The following RELB variants were observed in gnomAD, a reference collection of about 807,000 sequenced individuals.
RELB encodes RELB proto-oncogene, NF-kB subunit.
RELB carries 14 observed loss-of-function variants against 55.4 expected under a neutral mutation model. The ratio of observed to expected loss-of-function variants is 0.25; its 90% confidence interval spans 0.17 to 0.40. The LOEUF is 0.40. RELB is among the 10% of genes least tolerant of loss of function. The pLI, the probability that RELB is intolerant of heterozygous loss-of-function variation, is 1.00. For synonymous variants in RELB, 409 were observed against 371.3 expected, an observed-to-expected ratio of 1.10 and a Z score of -1.17; for missense variants, 669 against 830.7, an observed-to-expected ratio of 0.81 and a Z score of 2.39.
chr19:45,009,791 TTC>T, intron 2 of RELB, 21 bp from the exon 3 acceptor site: 1 of 1,599,218 alleles, frequency 6.3e-7, no homozygotes, highest in East Asian at 2.2e-5. Flanking sequence ...ACCTTTCTCT[TTC>T]TCTTTCTCTT....
intron 4 of RELB, among the ~76,000 whole-genome samples, chr19:45,017,993 G>A (rs1486656495): frequency 3.3e-5 from 5 of 151,190 alleles, no homozygotes; most frequent in African/African-American, 9.7e-5. Context: ...GAGACCAGGC[G>A]CGGTGGCTCA....
intron 2 of RELB, among the ~76,000 whole-genome samples, chr19:45,003,408 G>A (rs1971238853): frequency 6.7e-6 from 1 of 150,172 alleles, no homozygotes; most frequent in Non-Finnish European, 1.5e-5. Flanking sequence ...CTGGGAGGCG[G>A]AGCTTGCAGT....
At chr19:45,012,836 C>A (rs1971379383) in intron 4 of RELB, among the ~76,000 whole-genome samples, 1 of 151,652 alleles carries the variant, frequency 6.6e-6, no homozygotes, top group African/African-American at 2.4e-5. Context: ...ATCACTCGAG[C>A]TCAGGAGTTC....
intron 1 of RELB, among the ~76,000 whole-genome samples, chr19:45,002,174 C>T (rs919280014): frequency 1.9e-4 from 21 of 112,436 alleles, no homozygotes; most frequent in Middle Eastern, 5.5e-3. Context: ...GGGGAAGGGG[C>T]GGGGCCTGAC....
Position 45,022,610 on chromosome 19 carries a change from C to T in RELB, c.662+400C>T, listed in dbSNP as rs989237998. On this transcript the variant is annotated intron_variant, in intron 5 of 11. Transcript: ENST00000221452. ...TTGCCCAAGCTGGAGTGCAATGGTT[C>T]GATCTCAGCTCACTCCAACCTCCAC... Among the ~76,000 whole-genome samples the T allele has an allele frequency of 3.4e-5, 5 of 146,726 alleles. No individual in the cohort carries two copies. In the South Asian group the frequency reaches 8.6e-4, roughly 25 times the overall value.
At chr19:45,023,475 T>C (rs1022014130) in intron 5 of RELB, among the ~76,000 whole-genome samples, 11 of 151,668 alleles carry the variant, frequency 7.3e-5, no homozygotes, top group African/African-American at 2.4e-4. Flanking sequence ...TCTCGCTCTG[T>C]CGCCCAGGCT....
chr19:45,012,855 C>A (rs192637269), intron 4 of RELB, among the ~76,000 whole-genome samples: 1 of 151,932 alleles, frequency 6.6e-6, no homozygotes, highest in Non-Finnish European at 1.5e-5. Context: ...TCTAGATGAG[C>A]CTGGGCAAGA....
At chr19:45,027,583 C>T (rs1971573576) in intron 7 of RELB, among the ~76,000 whole-genome samples, 1 of 152,078 alleles carries the variant, frequency 6.6e-6, no homozygotes, top group South Asian at 2.1e-4. Context: ...CAGCTTTGGC[C>T]AGAGGGATGC....
At chr19:45,036,384 C>T (rs565224669) in intron 11 of RELB, among the ~76,000 whole-genome samples, 1 of 152,176 alleles carries the variant, frequency 6.6e-6, no homozygotes, top group African/African-American at 2.4e-5. Context: ...GAGAATCCCT[C>T]TTATAATGAA....
At chr19:45,009,360 C>T (rs983283715) in intron 2 of RELB, among the ~76,000 whole-genome samples, 1 of 152,124 alleles carries the variant, frequency 6.6e-6, no homozygotes, top group African/African-American at 2.4e-5. Flanking sequence ...GGATTACAGG[C>T]GTGAGCCACC....
chr19:45,001,494 C>T lies in RELB; in HGVS notation c.-86C>T. On this transcript the variant is annotated 5_prime_UTR_variant, in exon 1 of 12. Transcript: ENST00000221452. ...CCCGGGCGCCGCGCGTCCTGCCCGGCCTGCGGCCCCAGCCCTTGCGCCGCT... is the reference window on the plus strand; with the variant it reads ...CCCGGGCGCCGCGCGTCCTGCCCGGTCTGCGGCCCCAGCCCTTGCGCCGCT... 1 of 560,058 alleles carries T rather than the reference C, an allele frequency of 1.8e-6. No individual in the cohort carries two copies. Among genetic ancestry groups the T allele is most frequent in the East Asian group, 5.1e-5 (1 of 19,504 alleles). The allele number at this position is 560,058 out of a possible 1,614,324, so 34.7% of individuals were successfully genotyped here.
intron 9 of RELB, 97 bp from the exon 10 acceptor site, chr19:45,034,147 A>C: frequency 2.0e-6 from 2 of 983,986 alleles, no homozygotes; most frequent in Non-Finnish European, 2.9e-6. Flanking sequence ...CAACAGAGCA[A>C]GACTGTCTCT....
At chr19:45,028,622 C>T (rs1971585067) in intron 7 of RELB, among the ~76,000 whole-genome samples, 1 of 152,176 alleles carries the variant, frequency 6.6e-6, no homozygotes, top group Admixed American at 6.6e-5. Flanking sequence ...GCGTGAGCCA[C>T]CATGCCCGGC....
intron 11 of RELB, among the ~76,000 whole-genome samples, chr19:45,036,204 C>G (rs1449366174): frequency 6.6e-6 from 1 of 152,128 alleles, no homozygotes; most frequent in African/African-American, 2.4e-5. Flanking sequence ...TCCTGAGTAG[C>G]TGGGATTACA....
At position 45,037,398 on chromosome 19, in the gene RELB, C is replaced by T; in HGVS notation, c.1355-7C>T. ...ACACTACACTTCTCTTGTCTTCATC[C>T]CCGTAGGCCCGTTCCTCCCGCCGTC... On this transcript the variant is annotated splice_region_variant and splice_polypyrimidine_tract_variant and intron_variant, in intron 11 of 11. Coordinates refer to ENST00000221452, the MANE Select transcript of RELB (RefSeq NM_006509.4). The T allele has an allele frequency of 6.5e-7, 1 of 1,545,910 alleles. No homozygotes were observed. The highest frequency in any genetic ancestry group is 8.7e-7 in the Non-Finnish European group (1 of 1,155,032).
At position 45,032,694 on chromosome 19, in the gene RELB, C is replaced by T; in HGVS notation, c.1152C>T (p.Leu384=). 6.2e-7 allele frequency: 1 copy of T among 1,610,632 alleles called. No individual in the cohort carries two copies. Among genetic ancestry groups the T allele is most frequent in the South Asian group, 1.1e-5 (1 of 90,440 alleles). Residue 384 remains leucine (L), a synonymous_variant, in exon 9 of 12, where the codon CTC becomes CTT. Coordinates refer to ENST00000221452, the MANE Select transcript of RELB (RefSeq NM_006509.4). ...PVTVNVFLQR[L]TDGVCSEPLP... is the part of the protein sequence containing the mutation. ...CAGTCAACGTCTTCCTGCAGCGGCTCACCGATGGGGTCTGCAGCGAGCCAT... is the reference window on the plus strand; with the variant it reads ...CAGTCAACGTCTTCCTGCAGCGGCTTACCGATGGGGTCTGCAGCGAGCCAT...
At chr19:45,032,460 G>T (rs1296202364) in intron 8 of RELB, 74 bp from the exon 9 acceptor site, 4 of 1,249,280 alleles carry the variant, frequency 3.2e-6, no homozygotes, top group African/African-American at 1.5e-5. Flanking sequence ...CTTGATTTTA[G>T]GGGAGGCTGG....
intron 7 of RELB, 145 bp from the exon 8 acceptor site, chr19:45,028,743 T>C (rs887840875): frequency 1.6e-5 from 10 of 622,900 alleles, no homozygotes; most frequent in Admixed American, 2.8e-5. Flanking sequence ...GACTATGGGT[T>C]CCATGAGGAT....
chr19:45,023,218 G>C (rs1291788998), intron 5 of RELB, among the ~76,000 whole-genome samples: 1 of 152,120 alleles, frequency 6.6e-6, no homozygotes, highest in Non-Finnish European at 1.5e-5. Context: ...AATATTTGTG[G>C]AATGAATGAA....
Sources: gnomAD v4.1 joint callset for allele counts (sites outside exome capture counted in the v4.1 genomes callset) on GRCh38, gnomAD v4.1.1 for gene constraint, MANE v1.5 for transcripts, NCBI Gene and HGNC (gene_info 2026-07-23, HGNC 2026-07-21) for gene names.